RANBP2: variants seen among roughly 807,000 people sequenced by gnomAD.
RANBP2 encodes RAN binding protein 2.
A neutral mutation model predicts 303.6 loss-of-function variants in RANBP2; 57 were observed. That is an observed-to-expected ratio of 0.19 (90% confidence interval 0.15 to 0.23). RANBP2 has a LOEUF of 0.23. Among genes scored for constraint, RANBP2 ranks in the 10% least tolerant of loss-of-function variants. The probability of loss-of-function intolerance (pLI) is 1.00; values close to 1 mark genes in which losing one functional copy is unlikely to be tolerated. For synonymous variants in RANBP2, 1,167 were observed against 1,301.5 expected (o/e 0.90, Z 2.23); for missense variants, 3,138 against 3,780.8 (o/e 0.83, Z 4.46).
the RANBP2 span, among the ~76,000 whole-genome samples, chr2:109,588,226 C>T: frequency 6.6e-6 from 1 of 151,922 alleles, no homozygotes; most frequent in Non-Finnish European, 1.5e-5. Context: ...CCAGTTGGCC[C>T]ACAGTATAAA....
chr2:109,122,054 G>C, the RANBP2 span, among the ~76,000 whole-genome samples: 3 of 152,166 alleles, frequency 2.0e-5, no homozygotes, highest in Non-Finnish European at 2.9e-5. Context: ...TCAAGAAAGC[G>C]AGACAAAGCA....
At chr2:109,250,943 T>C in the RANBP2 span, among the ~76,000 whole-genome samples, 2 of 152,038 alleles carry the variant, frequency 1.3e-5, no homozygotes, top group Non-Finnish European at 2.9e-5. Flanking sequence ...TAAATTAACG[T>C]TGTTTAGGCA....
the RANBP2 span, among the ~76,000 whole-genome samples, chr2:108,846,517 A>G: frequency 2.3e-5 from 3 of 127,668 alleles, no homozygotes; most frequent in Admixed American, 7.8e-5. Context: ...ATCTCTACCG[A>G]AAAAAAAAAA....
the RANBP2 span, among the ~76,000 whole-genome samples, chr2:109,578,739 C>T: frequency 6.6e-6 from 1 of 151,840 alleles, no homozygotes; most frequent in Non-Finnish European, 1.5e-5. Context: ...TGCACTCTAG[C>T]CTGGCCAACA....
the RANBP2 span, among the ~76,000 whole-genome samples, chr2:108,995,208 TG>T: frequency 6.6e-6 from 1 of 152,104 alleles, no homozygotes; most frequent in African/African-American, 2.4e-5. Flanking sequence ...TCACCTGTGC[TG>T]GAGTGAAGTA....
At chr2:109,069,650 A>G in the RANBP2 span, among the ~76,000 whole-genome samples, 1 of 152,226 alleles carries the variant, frequency 6.6e-6, no homozygotes, top group South Asian at 2.1e-4. Flanking sequence ...CTCAGTGGGG[A>G]TTAAGGCTGA....
the RANBP2 span, among the ~76,000 whole-genome samples, chr2:109,603,228 A>G: frequency 6.6e-6 from 1 of 151,674 alleles, no homozygotes; most frequent in African/African-American, 2.4e-5. Context: ...TATTATTATC[A>G]TTATTAATAT....
Position 108,768,146 on chromosome 2 carries a change from G to A in RANBP2, c.7607G>A (p.Gly2536Asp), listed in dbSNP as rs1304641345. Residue 2536 changes from glycine to aspartate, a missense_variant, in exon 20 of 29, where the codon GGC becomes GAC. Transcript: ENST00000283195. ...SSEKSKPFAF[G>D]NSSATGSLFG... is the part of the protein sequence containing the mutation. ...GAAAAATCAAAACCATTTGCATTCGGCAACAGTTCAGCCACTGGGTCTTTG... is the reference window on the plus strand; with the variant it reads ...GAAAAATCAAAACCATTTGCATTCGACAACAGTTCAGCCACTGGGTCTTTG... 3 of 1,611,880 alleles carry A rather than the reference G, an allele frequency of 1.9e-6. No homozygotes were observed. Among genetic ancestry groups the A allele is most frequent in the South Asian group, 1.1e-5 (1 of 90,992 alleles).
At chr2:109,317,826 G>A in the RANBP2 span, among the ~76,000 whole-genome samples, 3 of 152,054 alleles carry the variant, frequency 2.0e-5, no homozygotes, top group Admixed American at 6.5e-5. Context: ...AAGAACTAGC[G>A]CATCCGTCTT....
the RANBP2 span, among the ~76,000 whole-genome samples, chr2:109,377,745 C>G: frequency 0.13 from 19,997 of 152,182 alleles, 1,467 homozygotes; most frequent in Middle Eastern, 0.23. Flanking sequence ...CTCATCAGAC[C>G]ACTGGGTTCT....
At chr2:109,071,221 T>G in the RANBP2 span, among the ~76,000 whole-genome samples, 1 of 152,150 alleles carries the variant, frequency 6.6e-6, no homozygotes, top group South Asian at 2.1e-4. Context: ...AGTCACAAAC[T>G]GTAATGGAAA....
At chr2:109,432,732 C>T in the RANBP2 span, 1 of 1,541,424 alleles carries the variant, frequency 6.5e-7, no homozygotes, top group African/African-American at 1.4e-5. Flanking sequence ...CGCCTTACCG[C>T]TGTTGTTACT....
the RANBP2 span, among the ~76,000 whole-genome samples, chr2:109,173,304 G>A: frequency 6.6e-6 from 1 of 152,078 alleles, no homozygotes. Flanking sequence ...CTGCACTTGC[G>A]TTTTCTCCTC....
chr2:108,759,773 T>A (rs575042682), intron 18 of RANBP2, among the ~76,000 whole-genome samples: 1 of 152,320 alleles, frequency 6.6e-6, no homozygotes, highest in South Asian at 2.1e-4. Flanking sequence ...GGCTAGCCTT[T>A]CCTGGGGCTT....
the RANBP2 span, among the ~76,000 whole-genome samples, chr2:109,404,584 C>T: frequency 6.6e-6 from 1 of 152,122 alleles, no homozygotes; most frequent in Non-Finnish European, 1.5e-5. Flanking sequence ...CACTGGGCAC[C>T]TCCCAGAGGC....
chr2:109,443,609 T>C, the RANBP2 span, among the ~76,000 whole-genome samples: 3 of 152,226 alleles, frequency 2.0e-5, no homozygotes, highest in African/African-American at 7.2e-5. Context: ...GGAGTGGTTA[T>C]CTTAATCAGA....
At chr2:109,038,771 A>T in the RANBP2 span, among the ~76,000 whole-genome samples, 2,335 of 152,332 alleles carry the variant, frequency 0.015, 30 homozygotes, top group East Asian at 0.035. Context: ...CCAAAGTAGC[A>T]CCAGTAACTT....
chr2:109,643,918 C>G, the RANBP2 span, among the ~76,000 whole-genome samples: 1 of 151,902 alleles, frequency 6.6e-6, no homozygotes, highest in African/African-American at 2.4e-5. Flanking sequence ...GTCAGGAGAT[C>G]AAGACCAGCA....
the RANBP2 span, among the ~76,000 whole-genome samples, chr2:109,130,454 C>T: frequency 6.6e-6 from 1 of 152,170 alleles, no homozygotes; most frequent in African/African-American, 2.4e-5. Flanking sequence ...CCTCTGGGTC[C>T]CCAGACACTC....
Sources: allele counts gnomAD v4.1 joint callset (sites outside exome capture counted in the v4.1 genomes callset), GRCh38; gene constraint gnomAD v4.1.1; transcripts MANE v1.5; gene names NCBI Gene and HGNC (gene_info 2026-07-23, HGNC 2026-07-21).